The following ASTN2 variants were observed in gnomAD, a reference collection of about 807,000 sequenced individuals.
The protein encoded by ASTN2 is astrotactin-2.
A neutral mutation model predicts 139.8 loss-of-function variants in ASTN2; 54 were observed. The observed-to-expected ratio is 0.39, with a 90% CI of 0.31 to 0.48. The LOEUF (loss-of-function observed/expected upper bound fraction) is 0.48. ASTN2 is among the 20% of genes least tolerant of loss of function. The pLI is 0.95. For synonymous variants in ASTN2, 756 were observed against 719.5 expected (o/e 1.05, Z -0.81); for missense variants, 1,565 against 1,725.1 (o/e 0.91, Z 1.64).
At chr9:116,987,319 G>C (rs2132545551) in intron 7 of ASTN2, among the ~76,000 whole-genome samples, 1 of 152,342 alleles carries the variant, frequency 6.6e-6, no homozygotes, top group East Asian at 1.9e-4. Context: ...GATAAATGGG[G>C]ACTAATTGGT....
At chr9:116,930,268 G>A (rs1834861827) in intron 10 of ASTN2, among the ~76,000 whole-genome samples, 1 of 152,164 alleles carries the variant, frequency 6.6e-6, no homozygotes. Context: ...TTTCTTGGAA[G>A]GTGATGGATA....
At chr9:116,526,412 G>A (rs2119262543) in intron 19 of ASTN2, among the ~76,000 whole-genome samples, 1 of 152,050 alleles carries the variant, frequency 6.6e-6, no homozygotes, top group African/African-American at 2.4e-5. Flanking sequence ...AGGAGTTTGA[G>A]AGCAGCCTGG....
intron 17 of ASTN2, among the ~76,000 whole-genome samples, chr9:116,624,948 ATGTT>A (rs1262403010): frequency 6.6e-6 from 1 of 152,218 alleles, no homozygotes; most frequent in Non-Finnish European, 1.5e-5. Flanking sequence ...AAGGCAGTCA[ATGTT>A]TGTTGAATTA....
intron 17 of ASTN2, among the ~76,000 whole-genome samples, chr9:116,644,558 C>A (rs1445584793): frequency 1.3e-5 from 2 of 152,188 alleles, no homozygotes; most frequent in Non-Finnish European, 2.9e-5. Context: ...TCAAATTCAG[C>A]CTTGGCTATG....
intron 19 of ASTN2, among the ~76,000 whole-genome samples, chr9:116,579,350 C>T (rs1853855822): frequency 6.6e-6 from 1 of 152,168 alleles, no homozygotes. Context: ...TGCAATCTAC[C>T]ACAACCTCCT....
At chr9:116,991,286 C>T (rs1243064404) in intron 7 of ASTN2, among the ~76,000 whole-genome samples, 1 of 152,158 alleles carries the variant, frequency 6.6e-6, no homozygotes, top group Non-Finnish European at 1.5e-5. Flanking sequence ...CTGCAATGGG[C>T]AGACTCCCTA....
At chr9:117,092,556 C>T (rs10983515) in intron 5 of ASTN2, among the ~76,000 whole-genome samples, 3,701 of 152,230 alleles carry the variant, frequency 0.024, 153 homozygotes, top group African/African-American at 0.082. Context: ...GCCCACATGC[C>T]TCGAGATTTG....
At chr9:117,339,992 G>T (rs1348090702) in intron 1 of ASTN2, among the ~76,000 whole-genome samples, 1 of 151,796 alleles carries the variant, frequency 6.6e-6, no homozygotes, top group Admixed American at 6.6e-5. Context: ...TGAGGAAAAG[G>T]CATGGCCCAG....
In ASTN2 at chr9:117,154,165, A is replaced by T. The variant is rs368699398; in HGVS notation, c.1016-12687T>A. On this transcript the variant is annotated intron_variant, in intron 3 of 22. Transcript: ENST00000313400. Reference sequence around the variant, plus strand: ...AAATTAATGCAGCCACATTATAAATATGTCCTATTTCTCAATATTAAACTC... The same window carrying T: ...AAATTAATGCAGCCACATTATAAATTTGTCCTATTTCTCAATATTAAACTC... Among the ~76,000 whole-genome samples the T allele has an allele frequency of 1.8e-4, 27 of 152,198 alleles. No individual in the cohort carries two copies. In the East Asian group the frequency reaches 2.9e-3, roughly 16 times the overall value.
chr9:116,953,703 C>A (rs1835630139), intron 10 of ASTN2, among the ~76,000 whole-genome samples: 2 of 152,174 alleles, frequency 1.3e-5, no homozygotes, highest in Non-Finnish European at 2.9e-5. Flanking sequence ...GAGTGCAAAG[C>A]CCTGCACTAT....
chr9:116,984,108 T>A (rs1479395351), intron 7 of ASTN2, among the ~76,000 whole-genome samples: 1 of 152,240 alleles, frequency 6.6e-6, no homozygotes, highest in Non-Finnish European at 1.5e-5. Context: ...TGGGGCCCTA[T>A]TTTGTACTCT....
rs375252401 is a variant in ASTN2 at position 116,900,268 on chromosome 9, A to G, written c.1890-36535T>C. On this transcript the variant is annotated intron_variant, in intron 10 of 22. Coordinates refer to ENST00000313400, the MANE Select transcript of ASTN2 (RefSeq NM_001365068.1). ...TTTGTAGACACCATGCTGGATCCTC[A>G]TCTAATCCTCATAGCAACCCTGACA... Among the ~76,000 whole-genome samples, 10 of 152,312 alleles carry G rather than the reference A, an allele frequency of 6.6e-5. No individual in the cohort carries two copies. The South Asian group carries it at 8.3e-4, about 13-fold the overall frequency.
chr9:116,994,463 A>G (rs1836953524), intron 7 of ASTN2, among the ~76,000 whole-genome samples: 1 of 152,192 alleles, frequency 6.6e-6, no homozygotes, highest in Admixed American at 6.5e-5. Context: ...TTTGAATGAA[A>G]TGAAATATAT....
chr9:117,241,605 C>T (rs1833209124), intron 2 of ASTN2, among the ~76,000 whole-genome samples: 1 of 152,104 alleles, frequency 6.6e-6, no homozygotes, highest in Non-Finnish European at 1.5e-5. Flanking sequence ...GATTCGTGGT[C>T]CTATGAGAAT....
At chr9:116,579,520 C>T (rs1853861938) in intron 19 of ASTN2, among the ~76,000 whole-genome samples, 1 of 152,188 alleles carries the variant, frequency 6.6e-6, no homozygotes, top group Admixed American at 6.5e-5. Context: ...AGAAATTCCA[C>T]TGTGAGAAAG....
At chr9:117,076,195 C>T (rs1213122437) in intron 5 of ASTN2, among the ~76,000 whole-genome samples, 1 of 152,160 alleles carries the variant, frequency 6.6e-6, no homozygotes, top group Admixed American at 6.5e-5. Flanking sequence ...TGCTGAGCTT[C>T]GTGGACACCT....
intron 19 of ASTN2, among the ~76,000 whole-genome samples, chr9:116,534,250 C>G (rs1302085948): frequency 6.6e-6 from 1 of 152,084 alleles, no homozygotes; most frequent in African/African-American, 2.4e-5. Flanking sequence ...ATTCTTCTCT[C>G]TTTTCTTCTT....
At chr9:117,213,961 T>A (rs1832224575) in intron 3 of ASTN2, among the ~76,000 whole-genome samples, 1 of 152,220 alleles carries the variant, frequency 6.6e-6, no homozygotes. Context: ...ACTTTCCTTT[T>A]GGACATGGGG....
intron 3 of ASTN2, among the ~76,000 whole-genome samples, chr9:117,167,828 T>G (rs1830703270): frequency 6.6e-6 from 1 of 152,110 alleles, no homozygotes; most frequent in African/African-American, 2.4e-5. Flanking sequence ...TCTGATGTTA[T>G]CTGGGATGTC....
Sources: allele counts gnomAD v4.1 joint callset (sites outside exome capture counted in the v4.1 genomes callset), GRCh38; gene constraint gnomAD v4.1.1; transcripts MANE v1.5; gene names NCBI Gene and HGNC (gene_info 2026-07-23, HGNC 2026-07-21).